PCDHA2: variants seen among roughly 807,000 people sequenced by gnomAD.
PCDHA2 encodes the protein protocadherin alpha 2, also known as protocadherin alpha-2.
In PCDHA2, 58 loss-of-function variants were observed where a neutral mutation model predicts 66.0. That is an observed-to-expected ratio of 0.88 (90% confidence interval 0.71 to 1.09). The LOEUF is 1.09. PCDHA2 is among the 50% of genes least tolerant of loss of function. The probability of loss-of-function intolerance (pLI) is 0.00; values close to 1 mark genes in which losing one functional copy is unlikely to be tolerated. For missense variants in PCDHA2, 1,267 were observed against 1,242.3 expected (o/e 1.02, Z -0.30); for synonymous variants, 634 against 554.0 (o/e 1.14, Z -2.03).
At chr5:140,928,592 T>A in intron 1 of PCDHA2, 1 of 1,614,178 alleles carries the variant, frequency 6.2e-7, no homozygotes, top group Non-Finnish European at 8.5e-7. Flanking sequence ...TCTGTCCCAG[T>A]GGAAATTGTG....
chr5:140,938,468 A>G (rs1427570517), intron 1 of PCDHA2, among the ~76,000 whole-genome samples: 1 of 152,096 alleles, frequency 6.6e-6, no homozygotes, highest in African/African-American at 2.4e-5. Context: ...TTAATTTATT[A>G]TGTTTTTTAA....
At chr5:140,897,543 C>A (rs1325895994) in intron 1 of PCDHA2, among the ~76,000 whole-genome samples, 2 of 152,044 alleles carry the variant, frequency 1.3e-5, no homozygotes, top group African/African-American at 4.8e-5. Flanking sequence ...GCTGCATAGT[C>A]TTCCATGGTG....
At position 140,835,282 on chromosome 5, in the gene PCDHA2, G is replaced by A. The variant is rs2150233282; in HGVS notation, c.2388+37930G>A. On this transcript the variant is annotated intron_variant, in intron 1 of 3. Transcript: ENST00000526136. Reference sequence around the variant, plus strand: ...AAGTTCCACATGGACCCCTTAAGTGGGGCAATCACAGTGATAGGACATATG... The same window carrying A: ...AAGTTCCACATGGACCCCTTAAGTGAGGCAATCACAGTGATAGGACATATG... 4 of 1,611,622 alleles carry A rather than the reference G, an allele frequency of 2.5e-6. No individual in the cohort carries two copies. In the South Asian group the frequency reaches 3.3e-5, roughly 13 times the overall value.
At chr5:140,967,872 A>C (rs2096192784) in intron 1 of PCDHA2, 2 of 1,614,034 alleles carry the variant, frequency 1.2e-6, no homozygotes, top group Non-Finnish European at 1.7e-6. Context: ...GTGCTCACGG[A>C]CCTGTATAGC....
rs2150395241 is a variant in PCDHA2, at chr5:140,846,875, G to A, written c.2388+49523G>A. Among the ~76,000 whole-genome samples the A allele has an allele frequency of 4.0e-5, 6 of 149,568 alleles. 1 individual carries two copies. Among genetic ancestry groups the A allele is most frequent in the Non-Finnish European group, 7.5e-5 (5 of 66,912 alleles). On this transcript the variant is annotated intron_variant, in intron 1 of 3. Transcript: ENST00000526136. ...CAAGATAATGTAACAGGTACAAGAG[G>A]TAAATCAGAATGACGTTGAAGTTGA... is the stretch of plus-strand genomic sequence containing the variant.
chr5:140,869,244 C>A (rs782454826), intron 1 of PCDHA2: 1 of 1,613,658 alleles, frequency 6.2e-7, no homozygotes. Flanking sequence ...TCGTGGGCCG[C>A]ATCGCGCAGG....
chr5:140,850,045 T>A lies in PCDHA2; in HGVS notation c.2388+52693T>A, dbSNP rs782277317. 1.9e-6 allele frequency: 3 copies of A among 1,596,208 alleles called. No individual in the cohort carries two copies. Among genetic ancestry groups the A allele is most frequent in the Non-Finnish European group, 2.6e-6 (3 of 1,167,714 alleles). On this transcript the variant is annotated intron_variant, in intron 1 of 3. Transcript: ENST00000526136. ...TCAGTGCACGCGGAGAGCGGCAAGG[T>A]GTACGCGCTGCAGCCGTTGGACCAC... is the stretch of plus-strand genomic sequence containing the variant.
intron 1 of PCDHA2, chr5:140,803,501 C>T (rs933077933): frequency 1.2e-6 from 2 of 1,614,222 alleles, no homozygotes; most frequent in South Asian, 2.2e-5. Flanking sequence ...CCAAGACCGA[C>T]CTCATGGCTT....
chr5:140,817,496 T>C (rs2150047140), intron 1 of PCDHA2: 1 of 152,366 alleles, frequency 6.6e-6, no homozygotes, highest in African/African-American at 2.4e-5. Context: ...AAGCTATATA[T>C]GCTTTTACAA....
intron 1 of PCDHA2, among the ~76,000 whole-genome samples, chr5:140,820,375 T>C (rs1766742751): frequency 1.3e-5 from 2 of 152,006 alleles, no homozygotes; most frequent in South Asian, 2.1e-4. Context: ...CATTTTCTGG[T>C]AATTTCTTTT....
chr5:140,870,366 A>G, intron 1 of PCDHA2: 1 of 1,613,926 alleles, frequency 6.2e-7, no homozygotes, highest in South Asian at 1.1e-5. Flanking sequence ...GGGCCTATGA[A>G]CTGGTGGTGA....
chr5:140,945,801 C>T (rs1371269109), intron 1 of PCDHA2, among the ~76,000 whole-genome samples: 2 of 152,026 alleles, frequency 1.3e-5, no homozygotes, highest in East Asian at 3.9e-4. Context: ...GAAACTAGAC[C>T]CTTATCTCAC....
intron 1 of PCDHA2, among the ~76,000 whole-genome samples, chr5:140,941,877 A>T (rs1554214743): frequency 1.3e-5 from 2 of 152,224 alleles, no homozygotes; most frequent in Non-Finnish European, 2.9e-5. Flanking sequence ...TTCTATCACC[A>T]GTGACTAGCA....
intron 1 of PCDHA2, among the ~76,000 whole-genome samples, chr5:140,902,728 C>T (rs1280424808): frequency 6.6e-6 from 1 of 151,858 alleles, no homozygotes; most frequent in Non-Finnish European, 1.5e-5. Flanking sequence ...ACCCTTCCCT[C>T]CAAGTCCCCC....
chr5:140,822,228 T>G, intron 1 of PCDHA2: 2 of 1,614,254 alleles, frequency 1.2e-6, no homozygotes, highest in Non-Finnish European at 8.5e-7. Flanking sequence ...ATTCGCGGTT[T>G]CCGCTAGAGG....
chr5:140,905,617 G>T (rs1019062717), intron 1 of PCDHA2, among the ~76,000 whole-genome samples: 8 of 152,116 alleles, frequency 5.3e-5, no homozygotes, highest in Non-Finnish European at 1.5e-5. Context: ...TCTATAGATT[G>T]CTTTTGACAG....
intron 3 of PCDHA2, among the ~76,000 whole-genome samples, chr5:141,002,004 A>G (rs1386748835): frequency 2.0e-5 from 3 of 152,210 alleles, no homozygotes; most frequent in Non-Finnish European, 4.4e-5. Context: ...TTGCAAACAC[A>G]GAATCTGCAC....
At chr5:140,807,856 T>G (rs781955377) in intron 1 of PCDHA2, 1 of 1,614,214 alleles carries the variant, frequency 6.2e-7, no homozygotes, top group Non-Finnish European at 8.5e-7. Flanking sequence ...CCGAGTTGAC[T>G]GGCACCGTTC....
intron 1 of PCDHA2, among the ~76,000 whole-genome samples, chr5:140,941,263 T>TTC (rs2092992439): frequency 7.5e-6 from 1 of 133,334 alleles, no homozygotes; most frequent in Non-Finnish European, 1.6e-5. Flanking sequence ...TTCTCTTTCT[T>TTC]TCTTTCTTTC....
Sources: allele counts gnomAD v4.1 joint callset (sites outside exome capture counted in the v4.1 genomes callset), GRCh38; gene constraint gnomAD v4.1.1; transcripts MANE v1.5; gene names NCBI Gene and HGNC (gene_info 2026-07-23, HGNC 2026-07-21).